Variants in PCDH18 observed in about 807,000 individuals in gnomAD.
PCDH18 encodes the protein protocadherin-18.
A neutral mutation model predicts 71.5 loss-of-function variants in PCDH18; 38 were observed. The ratio of observed to expected loss-of-function variants is 0.53; its 90% CI spans 0.41 to 0.70. The LOEUF (loss-of-function observed/expected upper bound fraction) is 0.70, where lower values mean the gene tolerates loss of function less well. Among genes scored for constraint, PCDH18 ranks in the 30% least tolerant of loss-of-function variants. The pLI, the probability that PCDH18 is intolerant of heterozygous loss-of-function variation, is 0.00. For missense variants in PCDH18, 1,334 were observed against 1,384.6 expected (o/e 0.96, Z 0.58); for synonymous variants, 565 against 505.4 (o/e 1.12, Z -1.58).
At position 137,522,927 on chromosome 4, in the gene PCDH18, A is replaced by G. The variant is rs145918648; in HGVS notation, c.2741-1231T>C. Among the ~76,000 whole-genome samples the G allele has an allele frequency of 3.6e-3, 547 of 152,058 alleles. 5 individuals carry two copies. Among genetic ancestry groups the G allele is most frequent in the African/African-American group, 0.012 (507 of 41,508 alleles). On this transcript the variant is annotated intron_variant, in intron 3 of 3. Transcript: ENST00000344876. ...TGGAGAAAATAATGTTGACTTTCTG[A>G]AAAAAAAGAAGTAATGGTCTTTGAT...
At position 137,520,196 on chromosome 4, in the gene PCDH18, C is replaced by T. The variant is rs1731248817; in HGVS notation, c.*833G>A. ...TGCCATTAGAACACATACTGTTATC[C>T]ATTTAAAGGACAGATTCCATTTCCT... On this transcript the variant is annotated 3_prime_UTR_variant, in exon 4 of 4. Coordinates refer to ENST00000344876, the MANE Select transcript of PCDH18 (RefSeq NM_019035.5). 1 of 152,538 alleles carries T rather than the reference C, an allele frequency of 6.6e-6. No homozygotes were observed. Among genetic ancestry groups the T allele is most frequent in the Non-Finnish European group, 1.5e-5 (1 of 68,016 alleles). 9.4% of individuals were successfully genotyped at this position (152,538 alleles called of 1,614,324 possible).
Position 137,531,017 on chromosome 4 carries a change from GGTTGAT to G in PCDH18, c.1066_1071del (p.Ile356_Asn357del). 6.2e-7 allele frequency: 1 copy of G among 1,609,674 alleles called. No homozygotes were observed. Among genetic ancestry groups the G allele is most frequent in the South Asian group, 1.1e-5 (1 of 90,714 alleles). On this transcript the variant is annotated inframe_deletion, in exon 1 of 4. Transcript: ENST00000344876. ...ATTTCTTCTTTTCCAGGGGACATGA[GGTTGAT>G]GTTAATTTCAGGTTTATTGTCATTA...
Position 137,532,403 on chromosome 4 carries a change from C to A in PCDH18, c.-315G>T. On this transcript the variant is annotated 5_prime_UTR_variant, in exon 1 of 4. Coordinates refer to ENST00000344876, the MANE Select transcript of PCDH18 (RefSeq NM_019035.5). ...ATCTATTGCAGGGTGCCGGTGGAGT[C>A]TGCAGTGTGTCTTTCCTGAGCGATT... 2.9e-6 allele frequency: 2 copies of A among 699,050 alleles called. No homozygotes were observed. The highest frequency in any genetic ancestry group is 5.2e-6 in the Non-Finnish European group (2 of 383,412). The allele number at this position is 699,050 out of a possible 1,614,324, so 43.3% of individuals were successfully genotyped here. A position where few individuals can be genotyped will look rare whatever the true frequency, so the allele number is the denominator to read the frequency against.
chr4:137,529,505 T>G lies in PCDH18; in HGVS notation c.2487+97A>C. 3.8e-6 allele frequency: 3 copies of G among 789,734 alleles called. No homozygotes were observed. The South Asian group carries it at 5.5e-5, about 14-fold the overall frequency. 48.9% of individuals were successfully genotyped at this position (789,734 alleles called of 1,614,324 possible). On this transcript the variant is annotated intron_variant, in intron 1 of 3. Transcript: ENST00000344876. ...TACTTAATTTGCACAGTATTAGTATTGTTACTTATTAATGAAAACATTTAA... is the reference window on the plus strand; with the variant it reads ...TACTTAATTTGCACAGTATTAGTATGGTTACTTATTAATGAAAACATTTAA...
intron 3 of PCDH18, among the ~76,000 whole-genome samples, chr4:137,527,062 A>G (rs1284411982): frequency 6.6e-6 from 1 of 151,826 alleles, no homozygotes; most frequent in Admixed American, 6.6e-5. Flanking sequence ...ACTCTGCATG[A>G]GCCTGGAGTA....
At position 137,520,349 on chromosome 4, in the gene PCDH18, C is replaced by A. The variant is rs1278397982; in HGVS notation, c.*680G>T. 1 of 152,080 alleles carries A rather than the reference C, an allele frequency of 6.6e-6. No individual in the cohort carries two copies. The highest frequency in any genetic ancestry group is 1.5e-5 in the Non-Finnish European group (1 of 68,014). The allele number at this position is 152,080 out of a possible 1,614,324, so 9.4% of individuals were successfully genotyped here. On this transcript the variant is annotated 3_prime_UTR_variant, in exon 4 of 4. Transcript: ENST00000344876. ...GTGTGATGGCCTGGAATAGTAGGGGCCTGGGAGTCAGGAAACATTGACTTT... is the reference window on the plus strand; with the variant it reads ...GTGTGATGGCCTGGAATAGTAGGGGACTGGGAGTCAGGAAACATTGACTTT...
chr4:137,530,014 C>T lies in PCDH18; in HGVS notation c.2075G>A (p.Ser692Asn), dbSNP rs1731611875. ...SVTSTAMTSV[S>N]QASLDVSMII... ...CATGGAGACATCCAAGGATGCCTGG[C>T]TTACTGAAGTCATTGCTGTACTTGT... Residue 692 changes from serine (S) to asparagine (N), a missense_variant, in exon 1 of 4, where the codon AGC (serine) becomes AAC (asparagine). This residue lies in a region of PCDH18 where 1,011 missense variants were observed against 1,048.0 expected (regional missense o/e 0.96). Transcript: ENST00000344876. 6.2e-7 allele frequency: 1 copy of T among 1,613,962 alleles called. No individual in the cohort carries two copies. Among genetic ancestry groups the T allele is most frequent in the Non-Finnish European group, 8.5e-7 (1 of 1,179,984 alleles).
Position 137,531,139 on chromosome 4 carries a change from G to T in PCDH18, c.950C>A (p.Thr317Asn). The change falls in exon 1 of 4, where the codon ACC becomes AAC. Residue 317 changes from threonine (T) to asparagine (N), a missense_variant. Thr to Asn is a moderately conservative substitution (Grantham distance 65). Around this residue, in one of 3 missense-constraint regions of PCDH18, gnomAD observed 1,011 missense variants for 1,048.0 expected, o/e 0.96. Transcript: ENST00000344876. ...TLFKQVDYEI[T>N]KSYEIDVQAQ... is the part of the protein sequence containing the mutation. ...CTGAACATCAATCTCATAGGATTTG[G>T]TGATTTCATAATCCACTTGCTTGAA... is the stretch of plus-strand genomic sequence containing the variant. 8 of 1,613,812 alleles carry T rather than the reference G, an allele frequency of 5.0e-6. No homozygotes were observed. The highest frequency in any genetic ancestry group is 6.8e-6 in the Non-Finnish European group (8 of 1,179,778).
intron 3 of PCDH18, among the ~76,000 whole-genome samples, chr4:137,525,855 T>TA (rs1270709376): frequency 6.6e-6 from 1 of 151,434 alleles, no homozygotes; most frequent in African/African-American, 2.4e-5. Context: ...GATTTTTTTT[T>TA]AAAAATTGTC....
chr4:137,528,070 C>T (rs1413145911), intron 3 of PCDH18, among the ~76,000 whole-genome samples: 2 of 152,186 alleles, frequency 1.3e-5, no homozygotes, highest in East Asian at 1.9e-4. Context: ...CTCCAAATTA[C>T]AGTCCGGTTC....
rs750615588 is a variant in PCDH18, at chr4:137,530,549, T to A, written c.1540A>T (p.Ile514Leu). ...ILESFILGSS[I>L]TTYVTIDPSN... ...GGGTCAATGGTTACATATGTAGTTATGGAACTTCCTAGAATAAAACTCTCC... is the reference window on the plus strand; with the variant it reads ...GGGTCAATGGTTACATATGTAGTTAAGGAACTTCCTAGAATAAAACTCTCC... Residue 514 changes from isoleucine to leucine, a missense_variant, in exon 1 of 4, where the codon ATA becomes TTA. Around this residue, in one of 3 missense-constraint regions of PCDH18, gnomAD observed 1,011 missense variants for 1,048.0 expected, o/e 0.96. Coordinates refer to ENST00000344876, the MANE Select transcript of PCDH18 (RefSeq NM_019035.5). The A allele has an allele frequency of 1.9e-6, 3 of 1,614,080 alleles. No homozygotes were observed. The South Asian group carries it at 3.3e-5, about 18-fold the overall frequency.
Position 137,521,150 on chromosome 4 carries a change from T to TA in PCDH18, c.3286dup (p.Tyr1096LeufsTer2). 1 of 1,614,172 alleles carries TA rather than the reference T, an allele frequency of 6.2e-7. No individual in the cohort carries two copies. Among genetic ancestry groups the TA allele is most frequent in the Non-Finnish European group, 8.5e-7 (1 of 1,180,002 alleles). ...CACATTGTCAAAATCATCTTCCTCA[T>TA]AATTTTCAGGGATCTCCTCCATGGC... On this transcript the variant is annotated frameshift_variant, in exon 4 of 4. Coordinates refer to ENST00000344876, the MANE Select transcript of PCDH18 (RefSeq NM_019035.5). LOFTEE classifies it high-confidence loss of function.
At chr4:137,529,361 C>G (rs1578746943) in intron 1 of PCDH18, 3 of 398,770 alleles carry the variant, frequency 7.5e-6, no homozygotes, top group Non-Finnish European at 1.3e-5. Context: ...TCCTTTGTGA[C>G]CTTCACATTT....
Position 137,520,861 on chromosome 4 carries a change from A to G in PCDH18, c.*168T>C. The G allele has an allele frequency of 1.9e-6, 1 of 530,632 alleles. No individual in the cohort carries two copies. Among genetic ancestry groups the G allele is most frequent in the South Asian group, 3.4e-5 (1 of 29,672 alleles). 32.9% of individuals were successfully genotyped at this position (530,632 alleles called of 1,614,324 possible). On this transcript the variant is annotated 3_prime_UTR_variant, in exon 4 of 4. Transcript: ENST00000344876. ...TTAAAATACAGATTAAAATAATCAC[A>G]CTTGCATTGTGTACATACGAAAATA...
intron 3 of PCDH18, among the ~76,000 whole-genome samples, chr4:137,523,192 G>C (rs1055636668): frequency 6.6e-6 from 1 of 152,102 alleles, no homozygotes; most frequent in Non-Finnish European, 1.5e-5. Context: ...AATCAAGGTG[G>C]GGAAAGAGAA....
intron 3 of PCDH18, 50 bp downstream of exon 3, chr4:137,528,428 G>A (rs992096096): frequency 6.9e-7 from 1 of 1,455,062 alleles, no homozygotes; most frequent in Admixed American, 1.9e-5. Flanking sequence ...TCATTTTACT[G>A]GTGTCACGGT....
chr4:137,526,587 A>G (rs1731468403), intron 3 of PCDH18, among the ~76,000 whole-genome samples: 2 of 152,192 alleles, frequency 1.3e-5, no homozygotes, highest in East Asian at 3.9e-4. Context: ...TGCATTAAAA[A>G]CAAAAACAAA....
Position 137,520,766 on chromosome 4 carries a change from T to A in PCDH18, c.*263A>T, listed in dbSNP as rs1731264778. 2 of 331,640 alleles carry A rather than the reference T, an allele frequency of 6.0e-6. No homozygotes were observed. The highest frequency in any genetic ancestry group is 1.1e-5 in the Non-Finnish European group (2 of 182,312). 20.5% of individuals were successfully genotyped at this position (331,640 alleles called of 1,614,324 possible). On this transcript the variant is annotated 3_prime_UTR_variant, in exon 4 of 4. Coordinates refer to ENST00000344876, the MANE Select transcript of PCDH18 (RefSeq NM_019035.5). ...TTTCTACACGACTAGGAAAAACATGTCTGTCATGGGAGTAAAAAAATAAAA... is the reference window on the plus strand; with the variant it reads ...TTTCTACACGACTAGGAAAAACATGACTGTCATGGGAGTAAAAAAATAAAA...
intron 3 of PCDH18, among the ~76,000 whole-genome samples, chr4:137,526,352 A>G (rs572179403): frequency 1.3e-5 from 2 of 152,078 alleles, no homozygotes; most frequent in Non-Finnish European, 2.9e-5. Context: ...TGTCATGCCC[A>G]CTATGTTACT....
Sources: gnomAD v4.1 joint callset for allele counts (sites outside exome capture counted in the v4.1 genomes callset) on GRCh38, gnomAD v4.1.1 for gene constraint, gnomAD v4.1.1 regional missense constraint, MANE v1.5 for transcripts, NCBI Gene and HGNC (gene_info 2026-07-23, HGNC 2026-07-21) for gene names.